SPAG17: variants seen among roughly 807,000 people sequenced by gnomAD.
SPAG17 encodes sperm associated antigen 17.
A neutral mutation model predicts 273.6 loss-of-function variants in SPAG17; 169 were observed. The observed-to-expected ratio is 0.62, with a 90% CI of 0.55 to 0.70. SPAG17 has a LOEUF of 0.70. SPAG17 is among the 30% of genes least tolerant of loss of function. The pLI is 0.00. For missense variants in SPAG17, 2,557 were observed against 2,627.8 expected (o/e 0.97, Z 0.59); for synonymous variants, 825 against 873.2 (o/e 0.94, Z 0.97).
intron 1 of SPAG17, among the ~76,000 whole-genome samples, chr1:118,176,276 T>C (rs776076350): frequency 1.3e-5 from 2 of 152,148 alleles, no homozygotes; most frequent in Non-Finnish European, 2.9e-5. Context: ...CTAATTGTAA[T>C]GGCTCAATGA....
intron 26 of SPAG17, among the ~76,000 whole-genome samples, chr1:118,026,822 C>T (rs1359912801): frequency 6.6e-6 from 1 of 152,146 alleles, no homozygotes; most frequent in African/African-American, 2.4e-5. Flanking sequence ...TAGGCTCTTT[C>T]CTCTTATGCT....
At chr1:118,077,567 C>T (rs1186010740) in intron 15 of SPAG17, among the ~76,000 whole-genome samples, 1 of 152,030 alleles carries the variant, frequency 6.6e-6, no homozygotes, top group Non-Finnish European at 1.5e-5. Flanking sequence ...ACAAAGAAAA[C>T]ACCTTGGGCC....
rs746454716 is a variant in SPAG17, at chr1:118,097,731, C to T, written c.950G>A (p.Arg317Gln). 10 of 1,610,534 alleles carry T rather than the reference C, an allele frequency of 6.2e-6. No individual in the cohort carries two copies. In the South Asian group the frequency reaches 6.6e-5, roughly 11 times the overall value. Residue 317 changes from arginine (R) to glutamine (Q), a missense_variant, in exon 7 of 49, where the codon CGA becomes CAA. Coordinates refer to ENST00000336338, the MANE Select transcript of SPAG17 (RefSeq NM_206996.4). ...KPETNLFDVA[R>Q]LEYMVKAADF... ...AGCTGCTTTGACCATGTACTCAAGT[C>T]GAGCAACATCAAAGAGATTTGTTTC... is the stretch of plus-strand genomic sequence containing the variant.
At position 118,111,591 on chromosome 1, in the gene SPAG17, C is replaced by CACACACACACAA. The variant is rs1478756828; in HGVS notation, c.447+3718_447+3719insTTGTGTGTGTGT. Among the ~76,000 whole-genome samples the CACACACACACAA allele has an allele frequency of 2.0e-5, 3 of 151,514 alleles. 1 individual carries two copies. Among genetic ancestry groups the CACACACACACAA allele is most frequent in the Admixed American group, 6.6e-5 (1 of 15,172 alleles). On this transcript the variant is annotated intron_variant, in intron 4 of 48. Transcript: ENST00000336338. Reference sequence around the variant, plus strand: ...ACACACACACACACACACACACACACAAATGGCATTACCTTGGCTGGTTTC... The same window carrying CACACACACACAA: ...ACACACACACACACACACACACACACACACACACACAAAAATGGCATTACCTTGGCTGGTTTC...
chr1:118,143,139 A>T (rs980219571), intron 3 of SPAG17, among the ~76,000 whole-genome samples: 15 of 152,244 alleles, frequency 9.9e-5, no homozygotes, highest in Admixed American at 8.5e-4. Flanking sequence ...TCATCTGCAG[A>T]TATACCTTCA....
At chr1:118,014,929 T>C (rs533620491) in intron 29 of SPAG17, among the ~76,000 whole-genome samples, 2 of 152,290 alleles carry the variant, frequency 1.3e-5, no homozygotes, top group East Asian at 3.9e-4. Context: ...CTCATCTGTG[T>C]AATACACATT....
chr1:118,108,436 G>T (rs968205885), intron 4 of SPAG17, among the ~76,000 whole-genome samples: 1 of 152,116 alleles, frequency 6.6e-6, no homozygotes, highest in African/African-American at 2.4e-5. Flanking sequence ...ACCAGATCAG[G>T]CGCATTCAGC....
chr1:118,049,159 T>C (rs990544111), intron 20 of SPAG17, among the ~76,000 whole-genome samples: 1 of 152,130 alleles, frequency 6.6e-6, no homozygotes, highest in Non-Finnish European at 1.5e-5. Context: ...AAAGAACTAA[T>C]ACAAATTCTT....
intron 1 of SPAG17, among the ~76,000 whole-genome samples, chr1:118,181,802 C>A (rs1660962664): frequency 6.6e-6 from 1 of 152,120 alleles, no homozygotes; most frequent in Non-Finnish European, 1.5e-5. Context: ...AGCCACTGTG[C>A]AAAATGATAT....
intron 46 of SPAG17, among the ~76,000 whole-genome samples, chr1:117,967,071 T>C (rs1175283232): frequency 1.3e-5 from 2 of 152,046 alleles, no homozygotes; most frequent in Non-Finnish European, 2.9e-5. Context: ...ATACTCCTAA[T>C]TGTGCTAGTT....
intron 32 of SPAG17, among the ~76,000 whole-genome samples, chr1:117,997,525 C>T (rs1657783687): frequency 6.7e-6 from 1 of 149,060 alleles, no homozygotes; most frequent in African/African-American, 2.5e-5. Context: ...TAACTTCATA[C>T]CTACTAGCTG....
At chr1:118,062,366 C>CAAAAAAAAAA (rs56029752) in intron 18 of SPAG17, among the ~76,000 whole-genome samples, 3,136 of 45,180 alleles carry the variant, frequency 0.069, 315 homozygotes, top group Non-Finnish European at 0.079. Flanking sequence ...GACTCCATCT[C>CAAAAAAAAAA]AAAAAAAAAA....
chr1:118,183,713 A>C (rs1336215241), intron 1 of SPAG17, among the ~76,000 whole-genome samples: 1 of 152,156 alleles, frequency 6.6e-6, no homozygotes, highest in African/African-American at 2.4e-5. Context: ...TGCAACACTA[A>C]AGCTAATGCA....
intron 1 of SPAG17, among the ~76,000 whole-genome samples, chr1:118,171,365 A>G (rs1157232445): frequency 6.6e-6 from 1 of 152,176 alleles, no homozygotes; most frequent in East Asian, 1.9e-4. Context: ...TTCAAGTATC[A>G]GAAGGGCCAT....
rs116644294 is a variant in SPAG17 at position 117,973,651 on chromosome 1, A to G, written c.6005-90T>C. 2,213 of 1,304,680 alleles carry G rather than the reference A, an allele frequency of 1.7e-3. 46 individuals are homozygous for G. In the African/African-American group the frequency reaches 0.03, roughly 18 times the overall value. The allele number at this position is 1,304,680 out of a possible 1,614,324, so 80.8% of individuals were successfully genotyped here. A position where few individuals can be genotyped will look rare whatever the true frequency, so the allele number is the denominator to read the frequency against. ...TCAGAATGTATGACAACAGAAACCA[A>G]CTTGGAAACTTTTTTTCTTTGCTTT... On this transcript the variant is annotated intron_variant, in intron 43 of 48. Coordinates refer to ENST00000336338, the MANE Select transcript of SPAG17 (RefSeq NM_206996.4).
intron 24 of SPAG17, among the ~76,000 whole-genome samples, chr1:118,034,564 T>C (rs1305985184): frequency 6.6e-6 from 1 of 152,224 alleles, no homozygotes; most frequent in Non-Finnish European, 1.5e-5. Context: ...AACACCTCTA[T>C]GCTGTAGCTT....
chr1:117,997,902 G>A (rs1452995869), intron 32 of SPAG17, among the ~76,000 whole-genome samples: 2 of 152,118 alleles, frequency 1.3e-5, no homozygotes, highest in African/African-American at 4.8e-5. Context: ...ATAAACAAGT[G>A]GCCATAGTTT....
chr1:118,132,873 G>A (rs1324529157), intron 3 of SPAG17, among the ~76,000 whole-genome samples: 1 of 152,198 alleles, frequency 6.6e-6, no homozygotes, highest in African/African-American at 2.4e-5. Flanking sequence ...CTGGGTTCAA[G>A]CAATTCTCCT....
At position 118,081,395 on chromosome 1, in the gene SPAG17, A is replaced by G. The variant is rs374159345; in HGVS notation, c.1990+20T>C. The G allele has an allele frequency of 3.0e-5, 48 of 1,612,544 alleles. No individual in the cohort carries two copies. The highest frequency in any genetic ancestry group is 4.0e-5 in the Non-Finnish European group (47 of 1,178,774). The stretch of plus-strand genomic sequence containing the variant: ...ATCATAAAATACAAGAATGCTTTCC[A>G]TTCCCTCCATGCAGTGTACCTGCTT... On this transcript the variant is annotated intron_variant, in intron 14 of 48. Transcript: ENST00000336338.
Sources: gnomAD v4.1 joint callset for allele counts (sites outside exome capture counted in the v4.1 genomes callset) on GRCh38, gnomAD v4.1.1 for gene constraint, MANE v1.5 for transcripts, NCBI Gene and HGNC (gene_info 2026-07-23, HGNC 2026-07-21) for gene names.